Variants in UNC13A observed in about 807,000 individuals in gnomAD.
UNC13A encodes unc-13 homolog A, also known as protein unc-13 homolog A.
In UNC13A, 61 loss-of-function variants were observed where a neutral mutation model predicts 219.7. The ratio of observed to expected loss-of-function variants is 0.28; its 90% CI spans 0.23 to 0.34. The LOEUF is 0.34. Among genes scored for constraint, UNC13A ranks in the 10% least tolerant of loss-of-function variants. The pLI, the probability that UNC13A is intolerant of heterozygous loss-of-function variation, is 1.00. For synonymous variants in UNC13A, 920 were observed against 884.6 expected (o/e 1.04, Z -0.71); for missense variants, 1,476 against 2,270.3 (o/e 0.65, Z 7.11).
At chr19:17,635,932 T>C (rs2076908792) in intron 26 of UNC13A, 92 bp downstream of exon 26, 1 of 1,456,254 alleles carries the variant, frequency 6.9e-7, no homozygotes, top group East Asian at 2.4e-5. Flanking sequence ...ATTTGTGTAA[T>C]TAGACAAAAT....
Position 17,633,095 on chromosome 19 carries a change from G to A in UNC13A, c.3301+13C>T, listed in dbSNP as rs781036091. On this transcript the variant is annotated intron_variant, in intron 27 of 43. Coordinates refer to ENST00000519716, the MANE Select transcript of UNC13A (RefSeq NM_001080421.3). ...TGTGGCCAGGCTGGGGAACACTGGGGTGGGAAACTCACCCTCCATGGCGTA... is the reference window on the plus strand; with the variant it reads ...TGTGGCCAGGCTGGGGAACACTGGGATGGGAAACTCACCCTCCATGGCGTA... 15 of 1,613,866 alleles carry A rather than the reference G, an allele frequency of 9.3e-6. No individual in the cohort carries two copies. Among genetic ancestry groups the A allele is most frequent in the African/African-American group, 1.3e-5 (1 of 74,908 alleles).
In UNC13A at chr19:17,650,301, G is replaced by A. The variant is rs144032696; in HGVS notation, c.1440-714C>T. ...GGCCGAGGCGGGCGGATCACCTGAG[G>A]TTAGGAGTTCGAGACCAGCCTGACC... is the stretch of plus-strand genomic sequence containing the variant. On this transcript the variant is annotated intron_variant, in intron 12 of 43. Coordinates refer to ENST00000519716, the MANE Select transcript of UNC13A (RefSeq NM_001080421.3). 7.3e-3 allele frequency among the ~76,000 whole-genome samples: 1,108 copies of A among 152,134 alleles called. 11 individuals carry two copies. Among genetic ancestry groups the A allele is most frequent in the African/African-American group, 0.026 (1,062 of 41,530 alleles).
Position 17,651,091 on chromosome 19 carries a change from C to T in UNC13A, c.1440-1504G>A, listed in dbSNP as rs566100075. Reference sequence around the variant, plus strand: ...TAGCTGGGATTACAGGTGCGCACCACGACACCTGGCTAATTTTCTGTATTT... The same window carrying T: ...TAGCTGGGATTACAGGTGCGCACCATGACACCTGGCTAATTTTCTGTATTT... On this transcript the variant is annotated intron_variant, in intron 12 of 43. Coordinates refer to ENST00000519716, the MANE Select transcript of UNC13A (RefSeq NM_001080421.3). 2.7e-4 allele frequency among the ~76,000 whole-genome samples: 41 copies of T among 152,008 alleles called. No individual in the cohort carries two copies. In the East Asian group the frequency reaches 6.4e-3, roughly 24 times the overall value.
intron 7 of UNC13A, among the ~76,000 whole-genome samples, chr19:17,664,150 G>A (rs1337719626): frequency 2.0e-5 from 3 of 152,070 alleles, no homozygotes; most frequent in African/African-American, 7.2e-5. Flanking sequence ...AACAAAGTGG[G>A]TATTTGGGCC....
chr19:17,675,913 C>T, intron 2 of UNC13A, 99 bp downstream of exon 2: 4 of 1,441,972 alleles, frequency 2.8e-6, no homozygotes, highest in Non-Finnish European at 3.8e-6. Context: ...AGACATAAAG[C>T]CCAACTCTAA....
chr19:17,618,345 G>A (rs113151370), intron 40 of UNC13A, 76 bp downstream of exon 40: 39 of 1,444,346 alleles, frequency 2.7e-5, no homozygotes, highest in Non-Finnish European at 3.0e-5. Flanking sequence ...GGTCCGAGGC[G>A]AGCCTAAGTC....
chr19:17,631,615 C>T (rs892678455), intron 28 of UNC13A, among the ~76,000 whole-genome samples: 3 of 152,102 alleles, frequency 2.0e-5, no homozygotes, highest in South Asian at 4.2e-4. Flanking sequence ...CAGGAACCGG[C>T]GGCACCGTAC....
At chr19:17,673,730 G>A (rs1224670057) in intron 3 of UNC13A, among the ~76,000 whole-genome samples, 1 of 150,034 alleles carries the variant, frequency 6.7e-6, no homozygotes, top group Non-Finnish European at 1.5e-5. Flanking sequence ...AATTCCATTG[G>A]CCAGGCATGG....
Position 17,602,943 on chromosome 19 carries a change from G to A in UNC13A, c.*3111C>T, listed in dbSNP as rs1406385776. 1 of 152,226 alleles carries A rather than the reference G, an allele frequency of 6.6e-6. No homozygotes were observed. The highest frequency in any genetic ancestry group is 1.9e-4 in the East Asian group (1 of 5,192). 9.4% of individuals were successfully genotyped at this position (152,226 alleles called of 1,614,324 possible). A position where few individuals can be genotyped will look rare whatever the true frequency, so the allele number is the denominator to read the frequency against. Reference sequence around the variant, plus strand: ...CTCAGACCCCAGTCTGGGAGAAACAGAGCTGGACAGAGAAACCCCCAGTCC... The same window carrying A: ...CTCAGACCCCAGTCTGGGAGAAACAAAGCTGGACAGAGAAACCCCCAGTCC... On this transcript the variant is annotated 3_prime_UTR_variant, in exon 44 of 44. Transcript: ENST00000519716.
chr19:17,633,183 C>T lies in UNC13A; in HGVS notation c.3226G>A (p.Glu1076Lys). 6.2e-7 allele frequency: 1 copy of T among 1,614,044 alleles called. No homozygotes were observed. The highest frequency in any genetic ancestry group is 8.5e-7 in the Non-Finnish European group (1 of 1,179,978). ...YTPCLNQFPQ[E>K]LNVGKISAEV... ...GCGCTGATTTTACCCACATTCAGCT[C>T]CTGGGGAAACCTGGCAAAGTCATGG... Residue 1076 changes from glutamate (E) to lysine (K), a missense_variant, in exon 27 of 44, where the codon GAG becomes AAG. Physicochemically the swap from Glu to Lys is moderately conservative, Grantham distance 56. Around this residue, in one of 14 missense-constraint regions of UNC13A, gnomAD observed 218 missense variants for 409.4 expected, o/e 0.53. Transcript: ENST00000519716.
At chr19:17,666,126 CTTT>C (rs2079638822) in intron 7 of UNC13A, among the ~76,000 whole-genome samples, 1 of 130,172 alleles carries the variant, frequency 7.7e-6, no homozygotes, top group African/African-American at 3.0e-5. Flanking sequence ...CTTTTCTTTT[CTTT>C]CTTTTTCTTT....
chr19:17,641,257 G>C (rs2076965992), intron 21 of UNC13A, 136 bp downstream of exon 21: 1 of 1,071,666 alleles, frequency 9.3e-7, no homozygotes, highest in Non-Finnish European at 1.3e-6. Context: ...GATCTCCAGG[G>C]GAATTACGGA....
intron 20 of UNC13A, among the ~76,000 whole-genome samples, chr19:17,642,054 A>ATCCATCCG (rs2076976463): frequency 6.6e-6 from 1 of 151,506 alleles, no homozygotes; most frequent in African/African-American, 2.4e-5. Context: ...CCATCCATCC[A>ATCCATCCG]TCTACCTATC....
In UNC13A at chr19:17,626,616, C is replaced by A. The variant is rs779563468; in HGVS notation, c.4073+17G>T. 6.5e-7 allele frequency: 1 copy of A among 1,532,986 alleles called. No individual in the cohort carries two copies. Among genetic ancestry groups the A allele is most frequent in the Non-Finnish European group, 8.8e-7 (1 of 1,137,246 alleles). The allele number at this position is 1,532,986 out of a possible 1,614,324, so 95.0% of individuals were successfully genotyped here. A position where few individuals can be genotyped will look rare whatever the true frequency, so the allele number is the denominator to read the frequency against. On this transcript the variant is annotated intron_variant, in intron 34 of 43. Transcript: ENST00000519716. ...CAGCCCCTCCCCGGCCAGCCCAGTC[C>A]ACCTGGCCCAGCTCACTTGCTGTCC...
intron 25 of UNC13A, among the ~76,000 whole-genome samples, chr19:17,636,389 T>C (rs1005363209): frequency 6.6e-6 from 1 of 152,144 alleles, no homozygotes; most frequent in Non-Finnish European, 1.5e-5. Context: ...TAAAAGTGAA[T>C]GGAAATAAAT....
intron 23 of UNC13A, 77 bp downstream of exon 23, chr19:17,639,763 A>G (rs922087838): frequency 1.3e-6 from 2 of 1,543,092 alleles, no homozygotes; most frequent in African/African-American, 2.7e-5. Context: ...TCCCATGCAC[A>G]CACCTGCTGG....
At chr19:17,646,751 C>T (rs1280442955) in intron 17 of UNC13A, among the ~76,000 whole-genome samples, 2 of 152,160 alleles carry the variant, frequency 1.3e-5, no homozygotes, top group African/African-American at 2.4e-5. Flanking sequence ...CCCACATAAC[C>T]TGAAATCCTC....
chr19:17,663,457 G>T, intron 8 of UNC13A, 75 bp downstream of exon 8: 1 of 1,538,482 alleles, frequency 6.5e-7, no homozygotes, highest in Non-Finnish European at 8.9e-7. Context: ...GTGGTAGTGG[G>T]GAGGGGCCTT....
chr19:17,610,641 A>G (rs1311289267), intron 42 of UNC13A, among the ~76,000 whole-genome samples: 2 of 152,200 alleles, frequency 1.3e-5, no homozygotes, highest in African/African-American at 4.8e-5. Flanking sequence ...GTGGCTTAAA[A>G]GGCAGGGAGT....
Sources: gnomAD v4.1 joint callset for allele counts (sites outside exome capture counted in the v4.1 genomes callset) on GRCh38, gnomAD v4.1.1 for gene constraint, gnomAD v4.1.1 regional missense constraint, MANE v1.5 for transcripts, NCBI Gene and HGNC (gene_info 2026-07-23, HGNC 2026-07-21) for gene names.